The following FRMD4A variants were observed in gnomAD, a reference collection of about 807,000 sequenced individuals.
FRMD4A encodes the protein FERM domain containing 4A, also known as FERM domain-containing protein 4A.
A neutral mutation model predicts 129.1 loss-of-function variants in FRMD4A; 29 were observed. The ratio of observed to expected loss-of-function variants is 0.22; its 90% CI spans 0.17 to 0.31. The LOEUF is 0.31. Ranked by LOEUF, FRMD4A falls within the 10% of genes least tolerant of loss-of-function variation. The pLI is 1.00. For missense variants in FRMD4A, 1,272 were observed against 1,375.8 expected, an observed-to-expected ratio of 0.92 and a Z score of 1.19; for synonymous variants, 634 against 571.6, an observed-to-expected ratio of 1.11 and a Z score of -1.56.
chr10:14,131,905 C>A (rs145394390), intron 2 of FRMD4A, among the ~76,000 whole-genome samples: 1 of 152,148 alleles, frequency 6.6e-6, no homozygotes, highest in Admixed American at 6.5e-5. Context: ...ACCTCCATCG[C>A]CCTGACCGAA....
chr10:14,214,764 A>G (rs919485658), intron 2 of FRMD4A, among the ~76,000 whole-genome samples: 3 of 152,236 alleles, frequency 2.0e-5, no homozygotes, highest in African/African-American at 7.2e-5. Context: ...CATGGGTAGA[A>G]CAAAAATTGT....
intron 2 of FRMD4A, chr10:13,972,437 G>A: frequency 3.0e-6 from 1 of 334,158 alleles, no homozygotes; most frequent in Non-Finnish European, 4.3e-6. Context: ...GTTTAGGTTG[G>A]GATTGAAATG....
intron 2 of FRMD4A, among the ~76,000 whole-genome samples, chr10:14,300,904 G>C (rs1396748195): frequency 1.3e-5 from 2 of 152,176 alleles, no homozygotes; most frequent in Non-Finnish European, 2.9e-5. Flanking sequence ...TGTTTCATAA[G>C]GGTATCTCTG....
intron 3 of FRMD4A, among the ~76,000 whole-genome samples, chr10:13,838,915 T>C (rs2093919556): frequency 6.7e-6 from 1 of 149,382 alleles, no homozygotes; most frequent in Admixed American, 6.8e-5. Context: ...GGACATTGAA[T>C]AAAAACCATC....
intron 2 of FRMD4A, among the ~76,000 whole-genome samples, chr10:13,863,575 G>A (rs10906520): frequency 0.49 from 74,452 of 151,954 alleles, 18,214 homozygotes; most frequent in East Asian, 0.64. Context: ...GGGTGACAGA[G>A]TGTGACCCTG....
At chr10:13,988,573 G>C (rs2095590809) in intron 2 of FRMD4A, among the ~76,000 whole-genome samples, 1 of 152,192 alleles carries the variant, frequency 6.6e-6, no homozygotes, top group Non-Finnish European at 1.5e-5. Flanking sequence ...TGGATGGATA[G>C]ACAGATATCT....
intron 2 of FRMD4A, among the ~76,000 whole-genome samples, chr10:14,157,847 T>A (rs1024547676): frequency 2.6e-5 from 4 of 152,032 alleles, no homozygotes; most frequent in Non-Finnish European, 5.9e-5. Context: ...GAGAAGACCC[T>A]AAGTCTTAAG....
At chr10:14,133,820 C>T (rs989030522) in intron 2 of FRMD4A, among the ~76,000 whole-genome samples, 5 of 152,162 alleles carry the variant, frequency 3.3e-5, no homozygotes, top group African/African-American at 4.8e-5. Flanking sequence ...CCCATCATTT[C>T]GAGGACAAGG....
At chr10:14,075,129 T>A (rs74122458) in intron 2 of FRMD4A, among the ~76,000 whole-genome samples, 3,903 of 152,306 alleles carry the variant, frequency 0.026, 193 homozygotes, top group African/African-American at 0.088. Context: ...CACTGGTCAC[T>A]AGATACAGCT....
intron 2 of FRMD4A, among the ~76,000 whole-genome samples, chr10:14,098,547 G>A (rs1450117544): frequency 1.3e-5 from 2 of 152,104 alleles, no homozygotes; most frequent in Non-Finnish European, 2.9e-5. Flanking sequence ...GGGACTGCAG[G>A]TGCCTGCCAG....
chr10:13,951,429 C>A (rs1205743254), intron 2 of FRMD4A, among the ~76,000 whole-genome samples: 2 of 151,920 alleles, frequency 1.3e-5, no homozygotes, highest in East Asian at 1.9e-4. Context: ...AGGAAAACTA[C>A]AGAGGGAGAT....
chr10:14,148,016 T>A (rs1398257431), intron 2 of FRMD4A, among the ~76,000 whole-genome samples: 2 of 152,208 alleles, frequency 1.3e-5, no homozygotes, highest in Admixed American at 6.5e-5. Flanking sequence ...TCCAGTAATA[T>A]TCTTAGATCT....
In FRMD4A at chr10:14,330,923, A is replaced by C. The variant is rs1843492558; in HGVS notation, c.-408T>G. On this transcript the variant is annotated 5_prime_UTR_variant, in exon 1 of 25. Coordinates refer to ENST00000357447, the MANE Select transcript of FRMD4A (RefSeq NM_018027.5). The stretch of plus-strand genomic sequence containing the variant: ...TGTACCACATGTACGCCGCATACAG[A>C]CACACTCTACCTCTCTCTCCCTCCC... 1 of 398,204 alleles carries C rather than the reference A, an allele frequency of 2.5e-6. No individual in the cohort carries two copies. Among genetic ancestry groups the C allele is most frequent in the Non-Finnish European group, 4.4e-6 (1 of 225,976 alleles). The allele number at this position is 398,204 out of a possible 1,614,324, so 24.7% of individuals were successfully genotyped here. A position where few individuals can be genotyped will look rare whatever the true frequency, so the allele number is the denominator to read the frequency against.
At chr10:13,877,021 G>A (rs1436777086) in intron 2 of FRMD4A, among the ~76,000 whole-genome samples, 1 of 152,128 alleles carries the variant, frequency 6.6e-6, no homozygotes, top group Non-Finnish European at 1.5e-5. Flanking sequence ...ATGTGGATCT[G>A]CCCTCAGTGA....
At chr10:14,011,731 G>A (rs1163343672) in intron 2 of FRMD4A, among the ~76,000 whole-genome samples, 2 of 152,130 alleles carry the variant, frequency 1.3e-5, no homozygotes, top group African/African-American at 4.8e-5. Context: ...AGAGAAGGCG[G>A]GACACGGTGG....
At position 13,682,561 on chromosome 10, in the gene FRMD4A, C is replaced by T. The variant is rs544055885; in HGVS notation, c.1118-7517G>A. On this transcript the variant is annotated intron_variant, in intron 15 of 24. Transcript: ENST00000357447. ...TGTCACCAAAGCTGGAGTGCAGTGG[C>T]CTGATCTTGGCTCACTGCAACCTCC... is the stretch of plus-strand genomic sequence containing the variant. 5.0e-4 allele frequency among the ~76,000 whole-genome samples: 71 copies of T among 142,216 alleles called. No individual in the cohort carries two copies. In the Middle Eastern group the frequency reaches 0.012, roughly 24 times the overall value. The allele number at this position is 142,216 out of a possible 152,430, so 93.3% of individuals were successfully genotyped here. A position where few individuals can be genotyped will look rare whatever the true frequency, so the allele number is the denominator to read the frequency against.
chr10:14,160,164 T>A (rs1840811145), intron 2 of FRMD4A, among the ~76,000 whole-genome samples: 3 of 152,196 alleles, frequency 2.0e-5, no homozygotes, highest in African/African-American at 7.2e-5. Flanking sequence ...TAAGTCTATA[T>A]ATTTACAGCC....
chr10:13,945,441 C>T (rs1396357996), intron 2 of FRMD4A, among the ~76,000 whole-genome samples: 1 of 152,068 alleles, frequency 6.6e-6, no homozygotes, highest in Non-Finnish European at 1.5e-5. Flanking sequence ...CTATCAAATC[C>T]TTTATGAAAC....
intron 12 of FRMD4A, among the ~76,000 whole-genome samples, chr10:13,713,057 T>A (rs769050227): frequency 1.5e-4 from 23 of 152,338 alleles, no homozygotes; most frequent in Non-Finnish European, 3.2e-4. Context: ...GAGAGGAAGC[T>A]CAGTCTAGTG....
Sources: gnomAD v4.1 joint callset for allele counts (sites outside exome capture counted in the v4.1 genomes callset) on GRCh38, gnomAD v4.1.1 for gene constraint, MANE v1.5 for transcripts, NCBI Gene and HGNC (gene_info 2026-07-23, HGNC 2026-07-21) for gene names.